TNS2: variants seen among roughly 807,000 people sequenced by gnomAD.
TNS2 encodes tensin 2, also known as tensin-2.
A neutral mutation model predicts 155.7 loss-of-function variants in TNS2; 77 were observed. The ratio of observed to expected loss-of-function variants is 0.49; its 90% confidence interval spans 0.41 to 0.60. The LOEUF (loss-of-function observed/expected upper bound fraction) is 0.60, where lower values mean the gene tolerates loss of function less well. Among genes scored for constraint, TNS2 ranks in the 20% least tolerant of loss-of-function variants. The pLI is 0.00. For synonymous variants in TNS2, 726 were observed against 763.9 expected (o/e 0.95, Z 0.82); for missense variants, 1,703 against 1,868.8 (o/e 0.91, Z 1.64).
intron 2 of TNS2, 27 bp from the exon 3 acceptor site, chr12:53,052,428 C>T (rs1356027506): frequency 6.2e-7 from 1 of 1,613,904 alleles, no homozygotes. Flanking sequence ...CCCCTGCTAA[C>T]CCCTCTCCTC....
intron 3 of TNS2, 111 bp downstream of exon 3, chr12:53,052,603 C>A: frequency 1.4e-6 from 2 of 1,429,086 alleles, no homozygotes; most frequent in Non-Finnish European, 2.0e-6. Flanking sequence ...ACCCCTCTCA[C>A]CACTGGGGAA....
In TNS2 at chr12:53,059,318, C is replaced by T. The variant is rs539615970; in HGVS notation, c.1677C>T (p.Arg559=). The change falls in exon 18 of 29, where the codon CGC becomes CGT. Residue 559 remains arginine, a synonymous_variant. Transcript: ENST00000314250. The surrounding 1 kb of genome is among the most constrained non-coding windows in gnomAD (Gnocchi z 4.7). ...GVASGGRGAG[R]ETAILDDEEQ... Reference sequence around the variant, plus strand: ...CCAGTGGGGGCCGGGGAGCTGGGCGCGAGACGGCCATCCTAGATGACGAAG... The same window carrying T: ...CCAGTGGGGGCCGGGGAGCTGGGCGTGAGACGGCCATCCTAGATGACGAAG... The T allele has an allele frequency of 8.5e-6, 12 of 1,413,492 alleles. No individual in the cohort carries two copies. Among genetic ancestry groups the T allele is most frequent in the South Asian group, 5.2e-5 (3 of 57,504 alleles). 87.6% of individuals were successfully genotyped at this position (1,413,492 alleles called of 1,614,324 possible).
chr12:53,059,704 A>G lies in TNS2; in HGVS notation c.2063A>G (p.Tyr688Cys), dbSNP rs918205353. 6.2e-7 allele frequency: 1 copy of G among 1,612,952 alleles called. No homozygotes were observed. The highest frequency in any genetic ancestry group is 8.5e-7 in the Non-Finnish European group (1 of 1,179,882). ...GAGGACCCTGGGCTGCCTGCCCTAT[A>G]CCCATGCCCAGCCTGCGAGGAGAAG... Reference protein sequence around the residue: ...ILEDPGLPALYPCPACEEKLA... With the variant: ...ILEDPGLPALCPCPACEEKLA... Residue 688 changes from tyrosine (Y) to cysteine (C), a missense_variant, in exon 18 of 29, where the codon TAC (tyrosine) becomes TGC (cysteine). By Grantham distance (194) the Tyr-to-Cys change is radical. Transcript: ENST00000314250. The surrounding 1 kb of genome is among the most constrained non-coding windows in gnomAD (Gnocchi z 4.7).
intron 10 of TNS2, 188 bp from the exon 11 acceptor site, chr12:53,056,825 A>G: frequency 1.9e-6 from 1 of 539,432 alleles, no homozygotes; most frequent in East Asian, 3.0e-5. Flanking sequence ...AAGTTCAGGG[A>G]ACAATTGCCT....
chr12:53,063,706 G>C lies in TNS2; in HGVS notation c.4092-38G>C. 6.2e-7 allele frequency: 1 copy of C among 1,613,930 alleles called. No homozygotes were observed. On this transcript the variant is annotated intron_variant, in intron 28 of 28. Coordinates refer to ENST00000314250, the MANE Select transcript of TNS2 (RefSeq NM_170754.4). The surrounding 1 kb of genome is among the most constrained non-coding windows in gnomAD (Gnocchi z 5.6). ...AGGCCAGCTACATTCCCTTGTGGAAGGAATGTTAAGCCCCTTCCCCACCCT... is the reference window on the plus strand; with the variant it reads ...AGGCCAGCTACATTCCCTTGTGGAACGAATGTTAAGCCCCTTCCCCACCCT...
chr12:53,058,629 AG>A lies in TNS2; in HGVS notation c.1284del (p.Ile429SerfsTer43). ...VEFVFSSSPE[K>X]IKGSTPRNDP... ...TTTGTCTTCTCCTCCAGCCCCGAGA[AG>A]ATCAAAGGTAAGAGCAGGGACATGG... is the stretch of plus-strand genomic sequence containing the variant. On this transcript the variant is annotated frameshift_variant, in exon 16 of 29. Coordinates refer to ENST00000314250, the MANE Select transcript of TNS2 (RefSeq NM_170754.4). LOFTEE classifies it high-confidence loss of function. The A allele has an allele frequency of 6.2e-7, 1 of 1,614,020 alleles. No individual in the cohort carries two copies. The highest frequency in any genetic ancestry group is 8.5e-7 in the Non-Finnish European group (1 of 1,179,980).
At position 53,059,010 on chromosome 12, in the gene TNS2, C is replaced by T. The variant is rs369993350; in HGVS notation, c.1406-37C>T. The T allele has an allele frequency of 9.9e-5, 153 of 1,537,874 alleles. 1 individual carries two copies. In the African/African-American group the frequency reaches 1.7e-3, roughly 17 times the overall value. ...ATTTTCTCTCTCCCTCCCTGTTCCC[C>T]GCTTGCCCTCCCTCCCTGATCCTCT... On this transcript the variant is annotated intron_variant, in intron 17 of 28. Transcript: ENST00000314250. The surrounding 1 kb of genome is among the most constrained non-coding windows in gnomAD (Gnocchi z 4.7).
At position 53,060,778 on chromosome 12, in the gene TNS2, C is replaced by A; in HGVS notation, c.2872C>A (p.Pro958Thr). ...TTCCCAGGCAGGCACCGGAAAGGCCCCTGAGCTGCCGTCGGGAAGTGGGCC... is the reference window on the plus strand; with the variant it reads ...TTCCCAGGCAGGCACCGGAAAGGCCACTGAGCTGCCGTCGGGAAGTGGGCC... ...PVSQAGTGKAPELPSGSGPEP... is the reference protein window; with the variant it reads ...PVSQAGTGKATELPSGSGPEP... The change falls in exon 20 of 29, where the codon CCT becomes ACT. Residue 958 changes from proline to threonine, a missense_variant. Coordinates refer to ENST00000314250, the MANE Select transcript of TNS2 (RefSeq NM_170754.4). The surrounding 1 kb of genome is among the most constrained non-coding windows in gnomAD (Gnocchi z 6.1). 4 of 1,612,190 alleles carry A rather than the reference C, an allele frequency of 2.5e-6. No homozygotes were observed. Among genetic ancestry groups the A allele is most frequent in the Non-Finnish European group, 3.4e-6 (4 of 1,179,078 alleles).
At chr12:53,052,100 C>A in intron 2 of TNS2, 137 bp downstream of exon 2, 2 of 733,606 alleles carry the variant, frequency 2.7e-6, no homozygotes, top group Non-Finnish European at 4.4e-6. Flanking sequence ...TAAGAAGCAG[C>A]TGCCTCCCCC....
chr12:53,061,168 C>T lies in TNS2; in HGVS notation c.3262C>T (p.Pro1088Ser). Reference sequence around the variant, plus strand: ...GCCCGGGCCGGGGCAACAGCCAGGACCCTGGGGCCCAGAGCAGGCATCATC... The same window carrying T: ...GCCCGGGCCGGGGCAACAGCCAGGATCCTGGGGCCCAGAGCAGGCATCATC... Reference protein sequence around the residue: ...HLPGPGQQPGPWGPEQASSPA... With the variant: ...HLPGPGQQPGSWGPEQASSPA... Residue 1088 changes from proline (P) to serine (S), a missense_variant, in exon 20 of 29, where the codon CCC becomes TCC. By Grantham distance (74) the Pro-to-Ser change is moderately conservative. Transcript: ENST00000314250. The T allele has an allele frequency of 6.2e-7, 1 of 1,603,890 alleles. No individual in the cohort carries two copies. The highest frequency in any genetic ancestry group is 8.5e-7 in the Non-Finnish European group (1 of 1,174,946).
chr12:53,052,077 G>A (rs1055528855), intron 2 of TNS2, 114 bp downstream of exon 2: 6 of 910,834 alleles, frequency 6.6e-6, no homozygotes, highest in East Asian at 5.2e-5. Flanking sequence ...CCTGGATTAG[G>A]CACAATGGCA....
intron 11 of TNS2, 109 bp downstream of exon 11, chr12:53,057,205 G>C: frequency 8.2e-7 from 1 of 1,215,748 alleles, no homozygotes; most frequent in South Asian, 1.3e-5. Flanking sequence ...GCCAAGCGCC[G>C]TGCCAGGTGC....
At position 53,050,316 on chromosome 12, in the gene TNS2, G is replaced by C. The variant is rs926524861; in HGVS notation, c.75+56G>C. 3.3e-6 allele frequency: 5 copies of C among 1,514,260 alleles called. No individual in the cohort carries two copies. In the Admixed American group the frequency reaches 8.8e-5, roughly 27 times the overall value. The allele number at this position is 1,514,260 out of a possible 1,614,324, so 93.8% of individuals were successfully genotyped here. On this transcript the variant is annotated intron_variant, in intron 1 of 28. Transcript: ENST00000314250. The surrounding 1 kb of genome is among the most constrained non-coding windows in gnomAD (Gnocchi z 4.7). ...GGGCAGGGGTGGAGGTGCGGGCAGT[G>C]GGGGAGGGGACCAGGAATCAGGCCA...
chr12:53,063,719 C>A lies in TNS2; in HGVS notation c.4092-25C>A, dbSNP rs1320042338. The A allele has an allele frequency of 6.2e-7, 1 of 1,613,706 alleles. No homozygotes were observed. Among genetic ancestry groups the A allele is most frequent in the African/African-American group, 1.3e-5 (1 of 74,932 alleles). On this transcript the variant is annotated intron_variant, in intron 28 of 28. Coordinates refer to ENST00000314250, the MANE Select transcript of TNS2 (RefSeq NM_170754.4). The surrounding 1 kb of genome is among the most constrained non-coding windows in gnomAD (Gnocchi z 5.6). Reference sequence around the variant, plus strand: ...TCCCTTGTGGAAGGAATGTTAAGCCCCTTCCCCACCCTTTATCCCCCTAGG... The same window carrying A: ...TCCCTTGTGGAAGGAATGTTAAGCCACTTCCCCACCCTTTATCCCCCTAGG...
chr12:53,047,505 G>T (rs1329713171), upstream of TNS2, among the ~76,000 whole-genome samples: 3 of 127,058 alleles, frequency 2.4e-5, no homozygotes, highest in Non-Finnish European at 3.7e-5. Context: ...GCGCGGCCCA[G>T]GGCTGGGGCC....
upstream of TNS2, among the ~76,000 whole-genome samples, chr12:53,048,065 G>A (rs1035268754): frequency 6.6e-6 from 1 of 152,198 alleles, no homozygotes; most frequent in African/African-American, 2.4e-5. Context: ...TGTTACAGGC[G>A]GGAGGAGGGT....
intron 7 of TNS2, 99 bp from the exon 8 acceptor site, chr12:53,055,087 A>G: frequency 7.1e-7 from 1 of 1,404,676 alleles, no homozygotes; most frequent in Non-Finnish European, 1.0e-6. Flanking sequence ...ACCGGCCTGC[A>G]CCTTATTTTA....
intron 10 of TNS2, chr12:53,056,106 A>G (rs1944145603): frequency 2.7e-6 from 1 of 374,902 alleles, no homozygotes; most frequent in East Asian, 5.7e-5. Flanking sequence ...CTGTAATACC[A>G]GCACTTTGGG....
rs975197998 is a variant in TNS2 at position 53,053,370 on chromosome 12, C to G, written c.223-41C>G. ...GCCCCATCCTCAAGCCCACGAGAGC[C>G]CTTCACCAGGAGCTCAGTTCCTTAC... On this transcript the variant is annotated intron_variant, in intron 3 of 28. Transcript: ENST00000314250. 5.0e-6 allele frequency: 8 copies of G among 1,613,234 alleles called. No individual in the cohort carries two copies. In the African/African-American group the frequency reaches 1.1e-4, roughly 22 times the overall value.
Sources: allele counts gnomAD v4.1 joint callset (sites outside exome capture counted in the v4.1 genomes callset), GRCh38; gene constraint gnomAD v4.1.1; non-coding constraint Gnocchi (gnomAD v3.1); transcripts MANE v1.5; gene names NCBI Gene and HGNC (gene_info 2026-07-23, HGNC 2026-07-21).